ARMC3: variants seen among roughly 807,000 people sequenced by gnomAD.
ARMC3 encodes the protein armadillo repeat-containing protein 3.
A neutral mutation model predicts 90.3 loss-of-function variants in ARMC3; 74 were observed. The ratio of observed to expected loss-of-function variants is 0.82; its 90% CI spans 0.68 to 0.99. The LOEUF (loss-of-function observed/expected upper bound fraction) is 0.99. Ranked by LOEUF, ARMC3 falls within the 50% of genes least tolerant of loss-of-function variation. ARMC3 has a pLI of 0.00. For synonymous variants in ARMC3, 334 were observed against 361.8 expected, an observed-to-expected ratio of 0.92 and a Z score of 0.87; for missense variants, 958 against 1,042.8, an observed-to-expected ratio of 0.92 and a Z score of 1.12.
rs566236938 is a variant in ARMC3, at chr10:23,008,730, G to T, written c.1929-85G>T. 5 of 1,105,452 alleles carry T rather than the reference G, an allele frequency of 4.5e-6. No individual in the cohort carries two copies. In the African/African-American group the frequency reaches 6.3e-5, roughly 14 times the overall value. The allele number at this position is 1,105,452 out of a possible 1,614,324, so 68.5% of individuals were successfully genotyped here. A position where few individuals can be genotyped will look rare whatever the true frequency, so the allele number is the denominator to read the frequency against. ...AAAAATTGTATAATGAAGTAAAAATGCCTTGTAAGCTCTAAATGCAAATGT... is the reference window on the plus strand; with the variant it reads ...AAAAATTGTATAATGAAGTAAAAATTCCTTGTAAGCTCTAAATGCAAATGT... On this transcript the variant is annotated intron_variant, in intron 15 of 18. Coordinates refer to ENST00000298032, the MANE Select transcript of ARMC3 (RefSeq NM_173081.5).
rs577995122 is a variant in ARMC3, at chr10:22,952,590, CA to C, written c.167-3214del. On this transcript the variant is annotated intron_variant, in intron 3 of 18. Coordinates refer to ENST00000298032, the MANE Select transcript of ARMC3 (RefSeq NM_173081.5). ...AGATGGTTTTACTGGTGAATTCTACCAAACCTTTAAGGAAGAAATAATACCA... is the reference window on the plus strand; with the variant it reads ...AGATGGTTTTACTGGTGAATTCTACCAACCTTTAAGGAAGAAATAATACCA... 2.5e-3 allele frequency among the ~76,000 whole-genome samples: 375 copies of C among 152,170 alleles called. 1 individual carries two copies. The highest frequency in any genetic ancestry group is 8.8e-3 in the African/African-American group (365 of 41,528).
At chr10:22,996,139 A>T (rs80248945) in intron 10 of ARMC3, among the ~76,000 whole-genome samples, 6,339 of 152,300 alleles carry the variant, frequency 0.042, 172 homozygotes, top group Middle Eastern at 0.085. Context: ...TATTAATTAG[A>T]AAATATGTAT....
intron 16 of ARMC3, chr10:23,014,058 G>A: frequency 6.5e-7 from 1 of 1,544,418 alleles, no homozygotes; most frequent in Non-Finnish European, 8.8e-7. Flanking sequence ...TTCCTTCTTT[G>A]TACTGTCTTC....
intron 2 of ARMC3, among the ~76,000 whole-genome samples, chr10:22,942,130 G>C (rs1481773161): frequency 6.6e-6 from 1 of 152,212 alleles, no homozygotes; most frequent in Non-Finnish European, 1.5e-5. Flanking sequence ...CTTAAGAGGG[G>C]AATAAGGGAG....
At chr10:22,936,236 C>T (rs1037350537) in intron 2 of ARMC3, among the ~76,000 whole-genome samples, 3 of 152,036 alleles carry the variant, frequency 2.0e-5, no homozygotes, top group South Asian at 2.1e-4. Flanking sequence ...GCGGGAGGAT[C>T]GCTTGAAGCC....
At chr10:22,969,089 C>G (rs2131293168) in intron 8 of ARMC3, among the ~76,000 whole-genome samples, 1 of 152,216 alleles carries the variant, frequency 6.6e-6, no homozygotes, top group Middle Eastern at 3.4e-3. Flanking sequence ...GTTTGTGAAC[C>G]TGAGAGCATT....
chr10:23,000,109 A>G (rs1022601398), intron 11 of ARMC3, among the ~76,000 whole-genome samples: 1 of 151,920 alleles, frequency 6.6e-6, no homozygotes, highest in Non-Finnish European at 1.5e-5. Flanking sequence ...CACATCCTCA[A>G]TGGGAACGTT....
intron 16 of ARMC3, among the ~76,000 whole-genome samples, chr10:23,013,040 C>T (rs1838094792): frequency 6.6e-6 from 1 of 152,112 alleles, no homozygotes; most frequent in Non-Finnish European, 1.5e-5. Context: ...AGATGCGTGC[C>T]ATCATGCCCA....
intron 4 of ARMC3, among the ~76,000 whole-genome samples, chr10:22,957,942 A>G (rs1219993109): frequency 6.6e-6 from 1 of 152,216 alleles, no homozygotes; most frequent in Non-Finnish European, 1.5e-5. Flanking sequence ...CACGCCTATA[A>G]TCCCAGCACT....
At chr10:22,986,578 C>A (rs111539366) in intron 10 of ARMC3, among the ~76,000 whole-genome samples, 2,938 of 132,590 alleles carry the variant, frequency 0.022, 57 homozygotes, top group African/African-American at 0.049. Flanking sequence ...AAAAAAAAAA[C>A]AAACCCAAAA....
rs910812051 is a variant in ARMC3, at chr10:23,006,744, T to C, written c.1732-140T>C. The C allele has an allele frequency of 6.1e-6, 4 of 659,892 alleles. No homozygotes were observed. In the African/African-American group the frequency reaches 7.3e-5, roughly 12 times the overall value. 40.9% of individuals were successfully genotyped at this position (659,892 alleles called of 1,614,324 possible). A position where few individuals can be genotyped will look rare whatever the true frequency, so the allele number is the denominator to read the frequency against. ...CTTCAGGTTCCTATTTCTAATTTTATATATGTATATTGTACATGTGTGTGT... is the reference window on the plus strand; with the variant it reads ...CTTCAGGTTCCTATTTCTAATTTTACATATGTATATTGTACATGTGTGTGT... On this transcript the variant is annotated intron_variant, in intron 13 of 18. Transcript: ENST00000298032.
At chr10:23,004,931 G>C (rs1006157930) in intron 13 of ARMC3, among the ~76,000 whole-genome samples, 3 of 152,114 alleles carry the variant, frequency 2.0e-5, no homozygotes, top group South Asian at 2.1e-4. Context: ...AAAACCAAGA[G>C]GGGGGCCGGG....
chr10:22,956,923 C>T (rs537577381), intron 4 of ARMC3, among the ~76,000 whole-genome samples: 1 of 151,790 alleles, frequency 6.6e-6, no homozygotes, highest in South Asian at 2.1e-4. Context: ...TGCCAATAAA[C>T]GCAGTCTCTG....
intron 10 of ARMC3, among the ~76,000 whole-genome samples, chr10:22,989,122 CT>C (rs1428029414): frequency 6.6e-6 from 1 of 152,204 alleles, no homozygotes; most frequent in Non-Finnish European, 1.5e-5. Context: ...AAGGATGGTT[CT>C]GTAGTTTAAT....
rs917420890 is a variant in ARMC3 at position 22,959,054 on chromosome 10, G to A, written c.293-16G>A. Reference sequence around the variant, plus strand: ...TATTATTAATAAACATCAATACTCTGTTTCTTCCTTTGTAGATGATGTTAA... The same window carrying A: ...TATTATTAATAAACATCAATACTCTATTTCTTCCTTTGTAGATGATGTTAA... On this transcript the variant is annotated splice_polypyrimidine_tract_variant and intron_variant, in intron 4 of 18. Coordinates refer to ENST00000298032, the MANE Select transcript of ARMC3 (RefSeq NM_173081.5). 3.2e-6 allele frequency: 5 copies of A among 1,575,750 alleles called. No homozygotes were observed. In the Admixed American group the frequency reaches 5.0e-5, roughly 16 times the overall value.
At chr10:22,928,306 C>T (rs1833794906) in intron 1 of ARMC3, among the ~76,000 whole-genome samples, 200 bp downstream of exon 1, 1 of 152,174 alleles carries the variant, frequency 6.6e-6, no homozygotes. Flanking sequence ...ACCTCCCATT[C>T]AACAGGTGAC....
At chr10:22,972,130 C>G (rs1835707793) in intron 8 of ARMC3, among the ~76,000 whole-genome samples, 1 of 152,122 alleles carries the variant, frequency 6.6e-6, no homozygotes, top group South Asian at 2.1e-4. Context: ...TTCTCCCATT[C>G]TGTGGTTTGC....
chr10:22,998,597 C>A (rs12251949), intron 11 of ARMC3, among the ~76,000 whole-genome samples, 200 bp downstream of exon 11: 3,950 of 152,286 alleles, frequency 0.026, 174 homozygotes, highest in African/African-American at 0.092. Flanking sequence ...ATAAACCCAG[C>A]AATTCTGTTT....
At chr10:22,968,172 T>TA (rs947485334) in intron 7 of ARMC3, 134 bp from the exon 8 acceptor site, 9 of 730,628 alleles carry the variant, frequency 1.2e-5, no homozygotes, top group Non-Finnish European at 1.8e-5. Context: ...GCAGAACTCC[T>TA]ATTCCCTGGG....
Sources: gnomAD v4.1 joint callset for allele counts (sites outside exome capture counted in the v4.1 genomes callset) on GRCh38, gnomAD v4.1.1 for gene constraint, MANE v1.5 for transcripts, NCBI Gene and HGNC (gene_info 2026-07-23, HGNC 2026-07-21) for gene names.